Variants in RB1CC1 observed in about 807,000 individuals in gnomAD.
The protein encoded by RB1CC1 is RB1-inducible coiled-coil protein 1.
A neutral mutation model predicts 177.5 loss-of-function variants in RB1CC1; 46 were observed. The ratio of observed to expected loss-of-function variants is 0.26; its 90% CI spans 0.20 to 0.33. The LOEUF (loss-of-function observed/expected upper bound fraction) is 0.33, where lower values mean the gene tolerates loss of function less well. Ranked by LOEUF, RB1CC1 falls within the 10% of genes least tolerant of loss-of-function variation. The pLI is 1.00. For synonymous variants in RB1CC1, 666 were observed against 613.6 expected (o/e 1.09, Z -1.26); for missense variants, 1,703 against 1,816.3 (o/e 0.94, Z 1.13).
At position 52,687,029 on chromosome 8, in the gene RB1CC1, A is replaced by G. The variant is rs1854330847; in HGVS notation, c.-166-62T>C. ...ATTCAGTACGAAACAACATATGGCTATTGTTCCTTTCTTCCTTTTAAAACT... is the reference window on the plus strand; with the variant it reads ...ATTCAGTACGAAACAACATATGGCTGTTGTTCCTTTCTTCCTTTTAAAACT... On this transcript the variant is annotated intron_variant, in intron 1 of 23. Transcript: ENST00000025008. 9.0e-6 allele frequency: 4 copies of G among 444,302 alleles called. No homozygotes were observed. In the Admixed American group the frequency reaches 1.0e-4, roughly 11 times the overall value. 27.5% of individuals were successfully genotyped at this position (444,302 alleles called of 1,614,324 possible).
chr8:52,639,169 A>G (rs867043185), intron 18 of RB1CC1, among the ~76,000 whole-genome samples: 10 of 152,160 alleles, frequency 6.6e-5, no homozygotes, highest in South Asian at 2.1e-4. Flanking sequence ...GAGAAAAATG[A>G]TATCTTAATA....
chr8:52,674,307 T>C (rs761146682), intron 6 of RB1CC1, 33 bp from the exon 7 acceptor site: 8 of 1,513,842 alleles, frequency 5.3e-6, no homozygotes, highest in Admixed American at 3.4e-5. Flanking sequence ...AGTAAAACTA[T>C]GAGACTGCTC....
At chr8:52,637,155 C>T (rs1002772870) in intron 18 of RB1CC1, among the ~76,000 whole-genome samples, 2 of 152,136 alleles carry the variant, frequency 1.3e-5, no homozygotes, top group Admixed American at 6.6e-5. Context: ...AACTGGCAGA[C>T]CAATTTGGGG....
chr8:52,670,063 C>G (rs1852425505), intron 7 of RB1CC1, among the ~76,000 whole-genome samples: 1 of 152,166 alleles, frequency 6.6e-6, no homozygotes, highest in South Asian at 2.1e-4. Context: ...CCTCAGCATC[C>G]CTAACTGCTG....
intron 23 of RB1CC1, 130 bp from the exon 24 acceptor site, chr8:52,623,989 T>C (rs764142998): frequency 3.1e-5 from 20 of 643,590 alleles, no homozygotes; most frequent in African/African-American, 5.5e-5. Context: ...ACAAGTACCC[T>C]CCTATCATAT....
chr8:52,665,172 C>T (rs1235070704), intron 8 of RB1CC1, among the ~76,000 whole-genome samples: 4 of 152,060 alleles, frequency 2.6e-5, no homozygotes, highest in Admixed American at 1.3e-4. Context: ...TTCTGTTTTT[C>T]GATCCAGATA....
chr8:52,684,008 G>A lies in RB1CC1; in HGVS notation c.77C>T (p.Ala26Val), dbSNP rs1486574661. 1 of 1,610,320 alleles carries A rather than the reference G, an allele frequency of 6.2e-7. No homozygotes were observed. The highest frequency in any genetic ancestry group is 1.1e-5 in the South Asian group (1 of 90,406). The change falls in exon 4 of 24, where the codon GCA (alanine) becomes GTA (valine). Residue 26 changes from alanine (A) to valine (V), a missense_variant. Coordinates refer to ENST00000025008, the MANE Select transcript of RB1CC1 (RefSeq NM_014781.5). ...GCTTTGAATGGCATGCTTAAGGTCT[G>A]CCACACTTCAAAAAATGAAATAAAA... ...FDTELTVQTV[A>V]DLKHAIQSKY...
At position 52,634,919 on chromosome 8, in the gene RB1CC1, A is replaced by G; in HGVS notation, c.4440+2T>C. The G allele has an allele frequency of 1.9e-6, 3 of 1,596,982 alleles. No homozygotes were observed. Among genetic ancestry groups the G allele is most frequent in the Non-Finnish European group, 2.6e-6 (3 of 1,169,252 alleles). On this transcript the variant is annotated splice_donor_variant, in intron 20 of 23. Coordinates refer to ENST00000025008, the MANE Select transcript of RB1CC1 (RefSeq NM_014781.5). LOFTEE classifies it high-confidence loss of function. ...CCAATTTACCAAGAAGAAAAATCTT[A>G]CCAGTCTTTGATTTAACCGTTTATT... is the stretch of plus-strand genomic sequence containing the variant.
At position 52,645,722 on chromosome 8, in the gene RB1CC1, A is replaced by C. The variant is rs1455946210; in HGVS notation, c.3967T>G (p.Ser1323Ala). The C allele has an allele frequency of 6.2e-7, 1 of 1,612,908 alleles. No individual in the cohort carries two copies. The highest frequency in any genetic ancestry group is 1.1e-5 in the South Asian group (1 of 90,804). ...CAGACCTGTTGTTCCGCAATCAAAG[A>C]TGTTCGAACATTTTGCATTTCTTCA... The part of the protein sequence containing the change: ...KNEEMQNVRT[S>A]LIAEQQTNFN... The change falls in exon 16 of 24, where the codon TCT (serine) becomes GCT (alanine). Residue 1323 changes from serine (S) to alanine (A), a missense_variant. Transcript: ENST00000025008.
In RB1CC1 at chr8:52,676,428, A is replaced by C. The variant is rs1442673890; in HGVS notation, c.513T>G (p.Phe171Leu). The C allele has an allele frequency of 6.2e-7, 1 of 1,613,234 alleles. No homozygotes were observed. The highest frequency in any genetic ancestry group is 8.5e-7 in the Non-Finnish European group (1 of 1,179,546). Residue 171 changes from phenylalanine (F) to leucine (L), a missense_variant, in exon 6 of 24, where the codon TTT becomes TTG. Transcript: ENST00000025008. ...GCAGATAATTTGAATAAATACTTTC[A>C]AACTTGAAAAGTAGCTTTTGGTATG... Reference protein sequence around the residue: ...SNSYQKLLFKFESIYSNYLQS... With the variant: ...SNSYQKLLFKLESIYSNYLQS...
intron 1 of RB1CC1, among the ~76,000 whole-genome samples, chr8:52,711,900 C>T (rs1434117329): frequency 6.6e-6 from 1 of 152,168 alleles, no homozygotes; most frequent in Non-Finnish European, 1.5e-5. Context: ...GAGTCACACA[C>T]TTACACCCCT....
chr8:52,674,873 A>G (rs1296020968), intron 6 of RB1CC1, among the ~76,000 whole-genome samples: 1 of 152,202 alleles, frequency 6.6e-6, no homozygotes, highest in Non-Finnish European at 1.5e-5. Flanking sequence ...AATTTACAAA[A>G]AGATTCACCA....
intron 21 of RB1CC1, among the ~76,000 whole-genome samples, chr8:52,629,082 G>A (rs1263879176): frequency 1.3e-5 from 2 of 151,996 alleles, no homozygotes; most frequent in Non-Finnish European, 2.9e-5. Context: ...ATTAATGAAC[G>A]GCCCATTGAC....
chr8:52,703,338 A>T (rs1338124307), intron 1 of RB1CC1, among the ~76,000 whole-genome samples: 2 of 152,100 alleles, frequency 1.3e-5, no homozygotes, highest in African/African-American at 4.8e-5. Flanking sequence ...TGACACCACC[A>T]ACTACATAAT....
Position 52,658,863 on chromosome 8 carries a change from T to G in RB1CC1, c.1793+10A>C. On this transcript the variant is annotated intron_variant, in intron 13 of 23. Coordinates refer to ENST00000025008, the MANE Select transcript of RB1CC1 (RefSeq NM_014781.5). ...GTTATAAATTAACTGAAAATACTAA[T>G]GACATTTACCTGAGGAATGGCTGAA... 6.6e-7 allele frequency: 1 copy of G among 1,525,346 alleles called. No homozygotes were observed. Among genetic ancestry groups the G allele is most frequent in the Non-Finnish European group, 8.9e-7 (1 of 1,122,474 alleles). 94.5% of individuals were successfully genotyped at this position (1,525,346 alleles called of 1,614,324 possible). A position where few individuals can be genotyped will look rare whatever the true frequency, so the allele number is the denominator to read the frequency against.
At position 52,657,000 on chromosome 8, in the gene RB1CC1, A is replaced by C. The variant is rs750217645; in HGVS notation, c.2829T>G (p.Ser943=). 3.7e-6 allele frequency: 6 copies of C among 1,613,734 alleles called. No homozygotes were observed. The highest frequency in any genetic ancestry group is 3.3e-5 in the Admixed American group (2 of 60,012). Residue 943 remains serine, a synonymous_variant, in exon 15 of 24, where the codon TCT becomes TCG. Transcript: ENST00000025008. The stretch of plus-strand genomic sequence containing the variant: ...TCAGTTCTTTAATTTCACAATTTTG[A>C]GAGTGCATTATATTTTCCATCTCTA... The part of the protein sequence containing the change: ...KLLEMENIMH[S]QNCEIKELKQ...
At chr8:52,652,059 A>C (rs1460614723) in intron 15 of RB1CC1, among the ~76,000 whole-genome samples, 3 of 152,258 alleles carry the variant, frequency 2.0e-5, no homozygotes, top group Non-Finnish European at 4.4e-5. Context: ...AATTGCATTC[A>C]GCATAAGGTT....
chr8:52,713,768 G>C (rs1282389170), intron 1 of RB1CC1, among the ~76,000 whole-genome samples: 1 of 152,216 alleles, frequency 6.6e-6, no homozygotes, highest in African/African-American at 2.4e-5. Context: ...GGATCCCAAG[G>C]CTCCGGCCGA....
chr8:52,652,824 G>A (rs1478796351), intron 15 of RB1CC1, among the ~76,000 whole-genome samples: 1 of 152,174 alleles, frequency 6.6e-6, no homozygotes, highest in Non-Finnish European at 1.5e-5. Flanking sequence ...TTGGGAGGCT[G>A]AGGCAGGTGG....
Sources: gnomAD v4.1 joint callset for allele counts (sites outside exome capture counted in the v4.1 genomes callset) on GRCh38, gnomAD v4.1.1 for gene constraint, MANE v1.5 for transcripts, NCBI Gene and HGNC (gene_info 2026-07-23, HGNC 2026-07-21) for gene names.